Variants in VWA8 observed in about 807,000 individuals in gnomAD.
VWA8 encodes von Willebrand factor A domain containing 8.
Under a neutral mutation model 241.5 loss-of-function variants are expected in VWA8, and 221 were observed. That is an observed-to-expected ratio of 0.91 (90% CI 0.82 to 1.02). VWA8 has a LOEUF of 1.02. Ranked by LOEUF, VWA8 falls within the 50% of genes least tolerant of loss-of-function variation. The pLI, the probability that VWA8 is intolerant of heterozygous loss-of-function variation, is 0.00. For missense variants in VWA8, 2,322 were observed against 2,328.7 expected, an observed-to-expected ratio of 1.00 and a Z score of 0.06; for synonymous variants, 852 against 827.1, an observed-to-expected ratio of 1.03 and a Z score of -0.52.
chr13:41,776,596 A>C (rs759731404), intron 20 of VWA8, among the ~76,000 whole-genome samples: 2 of 152,208 alleles, frequency 1.3e-5, no homozygotes, highest in Non-Finnish European at 2.9e-5. Flanking sequence ...ATTACTTTTA[A>C]ACTATACAGT....
At chr13:41,894,348 C>T (rs1874999209) in intron 4 of VWA8, among the ~76,000 whole-genome samples, 1 of 152,144 alleles carries the variant, frequency 6.6e-6, no homozygotes, top group South Asian at 2.1e-4. Flanking sequence ...TTTCCATCTA[C>T]TCTAATGGCA....
intron 42 of VWA8, among the ~76,000 whole-genome samples, chr13:41,584,803 G>A (rs1593631481): frequency 6.6e-6 from 1 of 152,126 alleles, no homozygotes; most frequent in African/African-American, 2.4e-5. Context: ...TAAAGACTGA[G>A]GAAATTCTTT....
In VWA8 at chr13:41,568,089, C is replaced by G; in HGVS notation, c.*108G>C. ...GAAGACCCAGGAATGCCGGAATCAT[C>G]CAGTCACTGCATGGGTTCACTTCAT... On this transcript the variant is annotated 3_prime_UTR_variant, in exon 45 of 45. Coordinates refer to ENST00000379310, the MANE Select transcript of VWA8 (RefSeq NM_015058.2). 1 of 890,802 alleles carries G rather than the reference C, an allele frequency of 1.1e-6. No individual in the cohort carries two copies. Among genetic ancestry groups the G allele is most frequent in the East Asian group, 2.5e-5 (1 of 40,670 alleles). 55.2% of individuals were successfully genotyped at this position (890,802 alleles called of 1,614,324 possible). A position where few individuals can be genotyped will look rare whatever the true frequency, so the allele number is the denominator to read the frequency against.
At chr13:41,635,739 C>G (rs1475479) in intron 37 of VWA8, among the ~76,000 whole-genome samples, 1 of 152,022 alleles carries the variant, frequency 6.6e-6, no homozygotes, top group Non-Finnish European at 1.5e-5. Flanking sequence ...AGAGCTCCTA[C>G]CCCAGAGGCT....
intron 38 of VWA8, 38 bp from the exon 39 acceptor site, chr13:41,611,770 A>T (rs748849629): frequency 6.2e-7 from 1 of 1,611,006 alleles, no homozygotes; most frequent in South Asian, 1.1e-5. Flanking sequence ...GATAAATCTG[A>T]ACTTGACCAC....
intron 39 of VWA8, among the ~76,000 whole-genome samples, chr13:41,607,011 G>C (rs2044557809): frequency 6.6e-6 from 1 of 152,126 alleles, no homozygotes; most frequent in Non-Finnish European, 1.5e-5. Context: ...TCTTTCCATA[G>C]TAGGAAATGT....
At chr13:41,697,528 G>A (rs1055825534) in intron 29 of VWA8, among the ~76,000 whole-genome samples, 1 of 152,162 alleles carries the variant, frequency 6.6e-6, no homozygotes, top group South Asian at 2.1e-4. Context: ...GGTGGGGGCT[G>A]TGTGGGGGTG....
chr13:41,574,069 A>T (rs1593624274), intron 43 of VWA8, among the ~76,000 whole-genome samples: 1 of 152,116 alleles, frequency 6.6e-6, no homozygotes, highest in Non-Finnish European at 1.5e-5. Flanking sequence ...CAAACATCTT[A>T]TGTGCCCCAC....
chr13:41,627,139 T>C (rs1479917439), intron 37 of VWA8, among the ~76,000 whole-genome samples: 1 of 152,130 alleles, frequency 6.6e-6, no homozygotes, highest in Non-Finnish European at 1.5e-5. Flanking sequence ...GATGTACACG[T>C]GGCCAAAAAG....
rs749328607 is a variant in VWA8, at chr13:41,729,626, C to T, written c.2554G>A (p.Ala852Thr). 11 of 1,613,306 alleles carry T rather than the reference C, an allele frequency of 6.8e-6. No homozygotes were observed. Among genetic ancestry groups the T allele is most frequent in the Non-Finnish European group, 9.3e-6 (11 of 1,179,534 alleles). Residue 852 changes from alanine (A) to threonine (T), a missense_variant, in exon 23 of 45, where the codon GCT becomes ACT. Coordinates refer to ENST00000379310, the MANE Select transcript of VWA8 (RefSeq NM_015058.2). ...AAAATACACGTGACATTTGTTGGAGCTTTGTCAGCCTCATCTACTACCAGA... is the reference window on the plus strand; with the variant it reads ...AAAATACACGTGACATTTGTTGGAGTTTTGTCAGCCTCATCTACTACCAGA... ...HILVVDEADK[A>T]PTNVTCILKT...
intron 37 of VWA8, among the ~76,000 whole-genome samples, chr13:41,651,748 AG>A (rs1370954950): frequency 1.3e-5 from 2 of 152,204 alleles, no homozygotes; most frequent in Admixed American, 6.5e-5. Context: ...GTGGGCCTAC[AG>A]AAAAAGGTGG....
chr13:41,846,433 T>C (rs1872293627), intron 12 of VWA8, among the ~76,000 whole-genome samples: 1 of 152,140 alleles, frequency 6.6e-6, no homozygotes, highest in Admixed American at 6.6e-5. Context: ...ACTTCCTTAT[T>C]ATGTGATAAA....
chr13:41,674,579 T>C (rs528959109), intron 36 of VWA8, among the ~76,000 whole-genome samples: 6 of 152,300 alleles, frequency 3.9e-5, no homozygotes, highest in African/African-American at 1.4e-4. Context: ...AAATAAGGCA[T>C]GGATGCACCC....
Position 41,865,912 on chromosome 13 carries a change from A to G in VWA8, c.1337T>C (p.Ile446Thr). ...GACTGTCATTCTTACCTTTCCTCCA[A>G]TTAAACATATATCTTTAACCATGTG... Reference protein sequence around the residue: ...QSHMVKDICLIGGKGCGKTVI... With the variant: ...QSHMVKDICLTGGKGCGKTVI... Residue 446 changes from isoleucine (I) to threonine (T), a missense_variant, in exon 11 of 45, where the codon ATT (isoleucine) becomes ACT (threonine). Coordinates refer to ENST00000379310, the MANE Select transcript of VWA8 (RefSeq NM_015058.2). The G allele has an allele frequency of 6.2e-7, 1 of 1,614,204 alleles. No homozygotes were observed. The highest frequency in any genetic ancestry group is 1.1e-5 in the South Asian group (1 of 91,088).
chr13:41,944,108 AAATAATAATAAT>A (rs3074010), intron 2 of VWA8, among the ~76,000 whole-genome samples: 2 of 146,498 alleles, frequency 1.4e-5, no homozygotes, highest in Non-Finnish European at 3.0e-5. Context: ...CTGTCTCAAA[AAATAATAATAAT>A]AATAATAATA....
intron 4 of VWA8, among the ~76,000 whole-genome samples, chr13:41,907,164 T>C (rs1389698590): frequency 6.6e-6 from 1 of 152,306 alleles, no homozygotes; most frequent in East Asian, 1.9e-4. Flanking sequence ...GAGAAAAAGC[T>C]ATAGTTTCTG....
rs71427488 is a variant in VWA8, at chr13:41,669,183, T to C, written c.4611+1763A>G. Among the ~76,000 whole-genome samples, 1,395 of 152,292 alleles carry C rather than the reference T, an allele frequency of 9.2e-3. 10 individuals are homozygous for C. The highest frequency in any genetic ancestry group is 0.02 in the African/African-American group (817 of 41,564). On this transcript the variant is annotated intron_variant, in intron 37 of 44. Coordinates refer to ENST00000379310, the MANE Select transcript of VWA8 (RefSeq NM_015058.2). The stretch of plus-strand genomic sequence containing the variant: ...ATAAAGTTACACATGTCCTGGAAAA[T>C]GTTTGGTTTAGGGAAAGTTCAGATA...
chr13:41,640,405 G>A (rs2044787991), intron 37 of VWA8, among the ~76,000 whole-genome samples: 1 of 152,178 alleles, frequency 6.6e-6, no homozygotes, highest in African/African-American at 2.4e-5. Flanking sequence ...CATAAACCAA[G>A]ATGCAATGAA....
intron 17 of VWA8, among the ~76,000 whole-genome samples, chr13:41,802,622 CT>C (rs1376491607): frequency 3.3e-5 from 5 of 152,204 alleles, no homozygotes; most frequent in Non-Finnish European, 7.3e-5. Flanking sequence ...GCAAAGAGGA[CT>C]TTGTCTTACA....
Sources: allele counts gnomAD v4.1 joint callset (sites outside exome capture counted in the v4.1 genomes callset), GRCh38; gene constraint gnomAD v4.1.1; transcripts MANE v1.5; gene names NCBI Gene and HGNC (gene_info 2026-07-23, HGNC 2026-07-21).